Variants in CLVS1 observed in about 807,000 individuals in gnomAD.
CLVS1 encodes clavesin 1, also known as clavesin-1.
Under a neutral mutation model 33.1 loss-of-function variants are expected in CLVS1, and 10 were observed. The ratio of observed to expected loss-of-function variants is 0.30; its 90% CI spans 0.19 to 0.51. The LOEUF (loss-of-function observed/expected upper bound fraction) is 0.51, where lower values mean the gene tolerates loss of function less well. CLVS1 is among the 20% of genes least tolerant of loss of function. The probability of loss-of-function intolerance (pLI) is 0.97; values close to 1 mark genes in which losing one functional copy is unlikely to be tolerated. For synonymous variants in CLVS1, 163 were observed against 166.1 expected (o/e 0.98, Z 0.14); for missense variants, 343 against 433.4 (o/e 0.79, Z 1.85).
chr8:61,386,566 C>T (rs1814092955), intron 3 of CLVS1, among the ~76,000 whole-genome samples: 1 of 152,150 alleles, frequency 6.6e-6, no homozygotes, highest in Admixed American at 6.5e-5. Flanking sequence ...GCAATCCTGC[C>T]ACATATTGGC....
At chr8:61,056,592 A>G (rs1040758898), upstream of CLVS1, among the ~76,000 whole-genome samples, 1 of 152,128 alleles carries the variant, frequency 6.6e-6, no homozygotes, top group Non-Finnish European at 1.5e-5. Flanking sequence ...ATAATTCAGG[A>G]CATTAGACTT....
chr8:61,209,715 G>T (rs1160003338), intron 2 of CLVS1, among the ~76,000 whole-genome samples: 1 of 137,128 alleles, frequency 7.3e-6, no homozygotes, highest in African/African-American at 2.8e-5. Flanking sequence ...GCTTACTTTT[G>T]CACATGGATG....
At chr8:61,059,499 T>TATATATATATATATATAC (rs1265187479) in intron 1 of CLVS1, among the ~76,000 whole-genome samples, 1,030 of 95,846 alleles carry the variant, frequency 0.011, 18 homozygotes, top group African/African-American at 0.026. Flanking sequence ...TATATATATA[T>TATATATATATATATATAC]ACACATATCT....
At chr8:61,059,247 T>C in intron 1 of CLVS1, among the ~76,000 whole-genome samples, 1 of 152,018 alleles carries the variant, frequency 6.6e-6, no homozygotes, top group Non-Finnish European at 1.5e-5. Flanking sequence ...TTCTAGTAGA[T>C]GTGTTGTAGT....
intron 3 of CLVS1, among the ~76,000 whole-genome samples, chr8:61,449,710 G>A (rs887884655): frequency 6.6e-6 from 1 of 152,018 alleles, no homozygotes; most frequent in Non-Finnish European, 1.5e-5. Context: ...GTTTTTCCAG[G>A]TACTGCCTTC....
At chr8:61,414,205 T>A (rs533849891) in intron 3 of CLVS1, among the ~76,000 whole-genome samples, 1 of 151,956 alleles carries the variant, frequency 6.6e-6, no homozygotes, top group African/African-American at 2.4e-5. Flanking sequence ...GAAAACTGAG[T>A]GTATGATAAT....
At chr8:61,032,198 G>A in the CLVS1 span, among the ~76,000 whole-genome samples, 1 of 152,304 alleles carries the variant, frequency 6.6e-6, no homozygotes, top group Non-Finnish European at 1.5e-5. Flanking sequence ...TATCCTGAGA[G>A]GAGAGACTGT....
At chr8:61,476,405 G>A (rs999214278) in intron 5 of CLVS1, among the ~76,000 whole-genome samples, 31 of 152,120 alleles carry the variant, frequency 2.0e-4, no homozygotes, top group African/African-American at 7.5e-4. Flanking sequence ...CCATTTTCAT[G>A]ATATTGATTC....
the CLVS1 span, among the ~76,000 whole-genome samples, chr8:61,007,169 A>G: frequency 6.6e-6 from 1 of 152,386 alleles, no homozygotes; most frequent in African/African-American, 2.4e-5. Flanking sequence ...TGTAAAAGCA[A>G]GCATTTTCCC....
chr8:61,035,640 T>C, the CLVS1 span, among the ~76,000 whole-genome samples: 1 of 152,124 alleles, frequency 6.6e-6, no homozygotes, highest in South Asian at 2.1e-4. Context: ...AAGCTGCAGG[T>C]GTCTGCCCAG....
At chr8:61,026,293 C>A in the CLVS1 span, among the ~76,000 whole-genome samples, 15,130 of 152,154 alleles carry the variant, frequency 0.099, 888 homozygotes, top group South Asian at 0.18. Flanking sequence ...CTGGAATGGT[C>A]TTTCTCTCAC....
chr8:61,328,295 T>C (rs1377902856), intron 2 of CLVS1, among the ~76,000 whole-genome samples: 1 of 152,112 alleles, frequency 6.6e-6, no homozygotes, highest in East Asian at 1.9e-4. Flanking sequence ...AATAAGAGTG[T>C]GGGATCCCAG....
chr8:61,062,455 T>G (rs1264528607), intron 1 of CLVS1, among the ~76,000 whole-genome samples: 1 of 152,232 alleles, frequency 6.6e-6, no homozygotes. Context: ...ACTCCAGAGT[T>G]TCTCTACAGT....
the CLVS1 span, among the ~76,000 whole-genome samples, chr8:60,985,923 A>G: frequency 6.6e-6 from 1 of 152,154 alleles, no homozygotes; most frequent in Non-Finnish European, 1.5e-5. Context: ...CAGGGCCTGT[A>G]GAAAGAGTAT....
At chr8:61,368,229 G>A (rs552130512) in intron 2 of CLVS1, among the ~76,000 whole-genome samples, 62 of 152,254 alleles carry the variant, frequency 4.1e-4, no homozygotes, top group African/African-American at 1.3e-3. Context: ...CTATTTCTCC[G>A]CAGAAACACA....
chr8:61,118,331 G>A (rs1307129334), intron 1 of CLVS1, among the ~76,000 whole-genome samples: 8 of 151,532 alleles, frequency 5.3e-5, no homozygotes, highest in African/African-American at 1.5e-4. Context: ...CAGCTCCTGG[G>A]TTCATTAATT....
chr8:61,229,243 T>G (rs1221597187), intron 2 of CLVS1, among the ~76,000 whole-genome samples: 1 of 152,240 alleles, frequency 6.6e-6, no homozygotes, highest in South Asian at 2.1e-4. Context: ...AAATCTTTAT[T>G]GAGTACCTCT....
intron 1 of CLVS1, among the ~76,000 whole-genome samples, chr8:61,124,412 G>C (rs1215504375): frequency 6.6e-6 from 1 of 152,180 alleles, no homozygotes; most frequent in African/African-American, 2.4e-5. Flanking sequence ...TTTAAAGCTG[G>C]TTCATACCTG....
intron 2 of CLVS1, among the ~76,000 whole-genome samples, chr8:61,224,572 GGGCACCA>G (rs1273719225): frequency 6.6e-6 from 1 of 152,084 alleles, no homozygotes; most frequent in African/African-American, 2.4e-5. Context: ...CGACTTCGAG[GGGCACCA>G]AGCTGATGCC....
Sources: gnomAD v4.1 joint callset for allele counts (sites outside exome capture counted in the v4.1 genomes callset) on GRCh38, gnomAD v4.1.1 for gene constraint, MANE v1.5 for transcripts, NCBI Gene and HGNC (gene_info 2026-07-23, HGNC 2026-07-21) for gene names.